Variants in CACNB2 observed in about 807,000 individuals in gnomAD.
CACNB2 encodes the protein voltage-dependent L-type calcium channel subunit beta-2.
Under a neutral mutation model 73.3 loss-of-function variants are expected in CACNB2, and 42 were observed. That is an observed-to-expected ratio of 0.57 (90% CI 0.45 to 0.74). The LOEUF (loss-of-function observed/expected upper bound fraction) is 0.74. Ranked by LOEUF, CACNB2 falls within the 30% of genes least tolerant of loss-of-function variation. CACNB2 has a pLI of 0.00. For synonymous variants in CACNB2, 348 were observed against 310.3 expected (o/e 1.12, Z -1.28); for missense variants, 940 against 853.0 (o/e 1.10, Z -1.27).
intron 8 of CACNB2, 135 bp from the exon 9 acceptor site, chr10:18,518,775 C>G (rs1011699382): frequency 9.2e-6 from 7 of 764,868 alleles, no homozygotes; most frequent in Admixed American, 6.1e-5. Flanking sequence ...CAGAAAAATG[C>G]GGCAACCTCA....
At position 18,379,232 on chromosome 10, in the gene CACNB2, G is replaced by C. The variant is rs551868685; in HGVS notation, c.214-22692G>C. 4.6e-5 allele frequency among the ~76,000 whole-genome samples: 7 copies of C among 151,596 alleles called. No homozygotes were observed. In the East Asian group the frequency reaches 1.2e-3, roughly 25 times the overall value. On this transcript the variant is annotated intron_variant, in intron 2 of 13. Coordinates refer to ENST00000324631, the MANE Select transcript of CACNB2 (RefSeq NM_201596.3). ...TATTTATTTATTTTTTGTTTGTTTTGAGACAGGGGTCTCACTGTCATCCAG... is the reference window on the plus strand; with the variant it reads ...TATTTATTTATTTTTTGTTTGTTTTCAGACAGGGGTCTCACTGTCATCCAG...
At chr10:18,455,011 T>G (rs897052511) in intron 3 of CACNB2, among the ~76,000 whole-genome samples, 1 of 149,966 alleles carries the variant, frequency 6.7e-6, no homozygotes, top group African/African-American at 2.4e-5. Context: ...CACTGCAGCC[T>G]TGGGTGACAG....
chr10:18,493,476 T>G lies in CACNB2; in HGVS notation c.334-4879T>G, dbSNP rs535845052. Among the ~76,000 whole-genome samples, 3 of 152,286 alleles carry G rather than the reference T, an allele frequency of 2.0e-5. No homozygotes were observed. In the South Asian group the frequency reaches 6.2e-4, roughly 32 times the overall value. The stretch of plus-strand genomic sequence containing the variant: ...CCACTGCACCCATCCAAGTACACTG[T>G]TTTATATCAAGGACTTGAACATCTA... On this transcript the variant is annotated intron_variant, in intron 3 of 13. Coordinates refer to ENST00000324631, the MANE Select transcript of CACNB2 (RefSeq NM_201596.3).
chr10:18,372,919 G>A (rs2042647840), intron 2 of CACNB2, among the ~76,000 whole-genome samples: 1 of 152,084 alleles, frequency 6.6e-6, no homozygotes, highest in Non-Finnish European at 1.5e-5. Context: ...TATGACTTTT[G>A]TCCACTTTCT....
intron 6 of CACNB2, among the ~76,000 whole-genome samples, chr10:18,509,162 A>C (rs2050635544): frequency 6.6e-6 from 1 of 152,194 alleles, no homozygotes; most frequent in African/African-American, 2.4e-5. Context: ...TTTAAAGGAA[A>C]ACTTCAGAAA....
intron 3 of CACNB2, among the ~76,000 whole-genome samples, chr10:18,476,418 A>G (rs778722633): frequency 6.6e-5 from 10 of 152,224 alleles, no homozygotes; most frequent in Non-Finnish European, 1.2e-4. Context: ...AAGCAGCTCA[A>G]GAGCCCGGTT....
At chr10:18,151,548 C>A (rs1441622643) in intron 2 of CACNB2, among the ~76,000 whole-genome samples, 1 of 152,146 alleles carries the variant, frequency 6.6e-6, no homozygotes, top group Admixed American at 6.5e-5. Context: ...CTGGAACAGT[C>A]CCCTAAACAG....
intron 2 of CACNB2, among the ~76,000 whole-genome samples, chr10:18,190,917 C>G (rs183687642): frequency 2.0e-5 from 3 of 152,286 alleles, no homozygotes. Context: ...CAATGGGAAA[C>G]TAGAAAAGGG....
intron 3 of CACNB2, among the ~76,000 whole-genome samples, chr10:18,451,672 TGCTCCGC>T (rs1332111629): frequency 1.3e-5 from 2 of 152,240 alleles, no homozygotes; most frequent in Non-Finnish European, 1.5e-5. Flanking sequence ...AAGGACTTTT[TGCTCCGC>T]AGTTCCCTTC....
chr10:18,380,452 C>CTTTTT (rs757792853), intron 2 of CACNB2, among the ~76,000 whole-genome samples: 12 of 111,032 alleles, frequency 1.1e-4, no homozygotes, highest in Admixed American at 2.1e-4. Context: ...ATGTGTTTTT[C>CTTTTT]TTTTTTTTTT....
chr10:18,338,634 TC>T (rs2041097422), intron 2 of CACNB2, among the ~76,000 whole-genome samples: 1 of 144,828 alleles, frequency 6.9e-6, no homozygotes, highest in African/African-American at 2.7e-5. Context: ...TTCTTTCCCT[TC>T]CTTCCTTCTT....
At chr10:18,523,020 C>T (rs1309325333) in intron 9 of CACNB2, among the ~76,000 whole-genome samples, 1 of 151,686 alleles carries the variant, frequency 6.6e-6, no homozygotes, top group African/African-American at 2.4e-5. Context: ...ACCAAATATT[C>T]CTAATTAGAT....
chr10:18,353,114 A>C (rs545764435), intron 2 of CACNB2, among the ~76,000 whole-genome samples: 1 of 152,312 alleles, frequency 6.6e-6, no homozygotes, highest in South Asian at 2.1e-4. Context: ...TTGGGCTTTA[A>C]AAATTTATGG....
chr10:18,305,582 A>G (rs1295258891), intron 2 of CACNB2, among the ~76,000 whole-genome samples: 2 of 152,212 alleles, frequency 1.3e-5, no homozygotes, highest in African/African-American at 4.8e-5. Context: ...AGCCATTTAT[A>G]TCAATTTCAC....
chr10:18,281,508 C>T (rs1031003879), intron 2 of CACNB2, among the ~76,000 whole-genome samples: 2 of 152,172 alleles, frequency 1.3e-5, no homozygotes, highest in African/African-American at 4.8e-5. Context: ...TCAGTAGGGA[C>T]TCATTTAGTG....
chr10:18,459,106 T>G (rs1193429259), intron 3 of CACNB2, among the ~76,000 whole-genome samples: 1 of 152,124 alleles, frequency 6.6e-6, no homozygotes, highest in Non-Finnish European at 1.5e-5. Context: ...AGACTTCTGC[T>G]CCTGTTGATA....
intron 2 of CACNB2, among the ~76,000 whole-genome samples, chr10:18,232,624 A>G (rs1396001370): frequency 6.6e-6 from 1 of 152,194 alleles, no homozygotes; most frequent in Non-Finnish European, 1.5e-5. Context: ...AGTTTGAGTT[A>G]TCAGGTTGCA....
intron 2 of CACNB2, among the ~76,000 whole-genome samples, chr10:18,153,025 A>G (rs1476458530): frequency 6.6e-6 from 1 of 152,178 alleles, no homozygotes; most frequent in African/African-American, 2.4e-5. Context: ...GGATTACCAT[A>G]GTGTGTATAA....
chr10:18,518,220 A>C (rs2051472798), intron 7 of CACNB2, 116 bp from the exon 8 acceptor site: 5 of 785,824 alleles, frequency 6.4e-6, no homozygotes, highest in Non-Finnish European at 1.1e-5. Context: ...GGGGAAAATA[A>C]AATGTCTGGA....
Sources: allele counts gnomAD v4.1 joint callset (sites outside exome capture counted in the v4.1 genomes callset), GRCh38; gene constraint gnomAD v4.1.1; transcripts MANE v1.5; gene names NCBI Gene and HGNC (gene_info 2026-07-23, HGNC 2026-07-21).